TGFBR3L: variants seen among roughly 807,000 people sequenced by gnomAD.
TGFBR3L encodes transforming growth factor-beta receptor type 3-like protein.
A neutral mutation model predicts 20.4 loss-of-function variants in TGFBR3L; 21 were observed. The observed-to-expected ratio is 1.03, with a 90% CI of 0.73 to 1.48. TGFBR3L has a LOEUF of 1.48. Among genes scored for constraint, TGFBR3L ranks in the 40% most tolerant of loss-of-function variants. The probability of loss-of-function intolerance (pLI) is 0.00; values close to 1 mark genes in which losing one functional copy is unlikely to be tolerated. For missense variants in TGFBR3L, 479 were observed against 498.0 expected (o/e 0.96, Z 0.36); for synonymous variants, 245 against 244.2 (o/e 1.00, Z -0.03).
intron 3 of TGFBR3L, 39 bp from the exon 5 acceptor site, chr19:7,917,662 T>C: frequency 7.0e-7 from 1 of 1,428,620 alleles, no homozygotes; most frequent in Non-Finnish European, 9.1e-7. Context: ...GAAGGACGCC[T>C]GGGAGCTGGA....
chr19:7,916,660 C>T lies in TGFBR3L; in HGVS notation c.315C>T (p.Ala105=). Residue 105 remains alanine (A), a synonymous_variant, in exon 2 of 6, where the codon GCC becomes GCT. Transcript: ENST00000565886. ...GTCCCTCCCCGCGCTGGGGCCTGGC[C>T]CTGCACCGCTGCTCAGTGACGCCGT... 1 of 1,430,184 alleles carries T rather than the reference C, an allele frequency of 7.0e-7. No individual in the cohort carries two copies. Among genetic ancestry groups the T allele is most frequent in the Non-Finnish European group, 9.1e-7 (1 of 1,104,922 alleles). The allele number at this position is 1,430,184 out of a possible 1,614,324, so 88.6% of individuals were successfully genotyped here.
Position 7,916,896 on chromosome 19 carries a change from G to A in TGFBR3L, c.551G>A (p.Arg184Gln), listed in dbSNP as rs754595410. Residue 184 changes from arginine (R) to glutamine (Q), a missense_variant, in exon 2 of 6, where the codon CGG becomes CAG. Physicochemically the swap from Arg to Gln is conservative, Grantham distance 43 (BLOSUM62 1). Coordinates refer to ENST00000565886, the MANE Select transcript of TGFBR3L (RefSeq NM_001195259.2). ...TGCCGCCGCCTCCGGGGAGTCCGCC[G>A]GGCGCCTGCGCCTCTGACGCCGCCG... The A allele has an allele frequency of 2.2e-6, 3 of 1,337,386 alleles. No individual in the cohort carries two copies. The highest frequency in any genetic ancestry group is 2.0e-5 in the South Asian group (1 of 48,932). The allele number at this position is 1,337,386 out of a possible 1,614,324, so 82.8% of individuals were successfully genotyped here. A position where few individuals can be genotyped will look rare whatever the true frequency, so the allele number is the denominator to read the frequency against.
rs2145154199 is a variant in TGFBR3L at position 7,916,024 on chromosome 19, T to G, written c.-244T>G. ...TCTCCCCTTAGAAAGGGGAGCCGCC[T>G]GTCCTGCTGCGTCCCCAAGAGCAGC... On this transcript the variant is annotated 5_prime_UTR_variant, in exon 1 of 6. Coordinates refer to ENST00000565886, the MANE Select transcript of TGFBR3L (RefSeq NM_001195259.2). 1 of 637,750 alleles carries G rather than the reference T, an allele frequency of 1.6e-6. No homozygotes were observed. The highest frequency in any genetic ancestry group is 2.6e-6 in the Non-Finnish European group (1 of 391,188). The allele number at this position is 637,750 out of a possible 1,614,324, so 39.5% of individuals were successfully genotyped here. A position where few individuals can be genotyped will look rare whatever the true frequency, so the allele number is the denominator to read the frequency against.
rs372179499 is a variant in TGFBR3L at position 7,915,282 on chromosome 19, A to G, written c.-986A>G. Among the ~76,000 whole-genome samples the G allele has an allele frequency of 2.7e-5, 4 of 149,150 alleles. No individual in the cohort carries two copies. Among genetic ancestry groups the G allele is most frequent in the African/African-American group, 1.0e-4 (4 of 40,076 alleles). On this transcript the variant is annotated 5_prime_UTR_variant, in exon 1 of 6. Transcript: ENST00000565886. ...TGAGCCACCGCGCCCCACCGATGTCACTCTCTTTCAACTAGACCTTTGGTG... is the reference window on the plus strand; with the variant it reads ...TGAGCCACCGCGCCCCACCGATGTCGCTCTCTTTCAACTAGACCTTTGGTG...
At position 7,917,494 on chromosome 19, in the gene TGFBR3L, T is replaced by TGCGCCGACACTGGCAGTGGCA; in HGVS notation, c.627_647dup (p.Asp209_Ala215dup). Reference sequence around the variant, plus strand: ...CCAGTGTCTGCCTCAGGACGAGGCGTGCGCCGACACTGGCAGTGGCAGCGC... The same window carrying TGCGCCGACACTGGCAGTGGCA: ...CCAGTGTCTGCCTCAGGACGAGGCGTGCGCCGACACTGGCAGTGGCAGCGCCGACACTGGCAGTGGCAGCGC... On this transcript the variant is annotated inframe_insertion, in exon 3 of 6. Coordinates refer to ENST00000565886, the MANE Select transcript of TGFBR3L (RefSeq NM_001195259.2). The TGCGCCGACACTGGCAGTGGCA allele has an allele frequency of 6.6e-7, 1 of 1,526,586 alleles. No homozygotes were observed. Among genetic ancestry groups the TGCGCCGACACTGGCAGTGGCA allele is most frequent in the Non-Finnish European group, 8.7e-7 (1 of 1,143,116 alleles). The allele number at this position is 1,526,586 out of a possible 1,614,324, so 94.6% of individuals were successfully genotyped here. A position where few individuals can be genotyped will look rare whatever the true frequency, so the allele number is the denominator to read the frequency against.
At position 7,914,861 on chromosome 19, in the gene TGFBR3L, T is replaced by C. The variant is rs1983203017; in HGVS notation, c.-1407T>C. 6.6e-6 allele frequency among the ~76,000 whole-genome samples: 1 copy of C among 152,210 alleles called. No individual in the cohort carries two copies. Among genetic ancestry groups the C allele is most frequent in the African/African-American group, 2.4e-5 (1 of 41,444 alleles). On this transcript the variant is annotated 5_prime_UTR_variant, in exon 1 of 6. Coordinates refer to ENST00000565886, the MANE Select transcript of TGFBR3L (RefSeq NM_001195259.2). ...TCCGACCTCAGCTGGTCCAGCATGCTGGGCACCGTGCTGCTGCTGGCCCTG... is the reference window on the plus strand; with the variant it reads ...TCCGACCTCAGCTGGTCCAGCATGCCGGGCACCGTGCTGCTGCTGGCCCTG...
At position 7,916,411 on chromosome 19, in the gene TGFBR3L, C is replaced by G. The variant is rs1471233348; in HGVS notation, c.144C>G (p.Pro48=). The change falls in exon 1 of 6, where the codon CCC becomes CCG. Residue 48 remains proline, a synonymous_variant. Coordinates refer to ENST00000565886, the MANE Select transcript of TGFBR3L (RefSeq NM_001195259.2). Reference sequence around the variant, plus strand: ...CGCCCTTCCCCGCCCCGCCAGCTCCCCCGTTCCCCGCGGCGCCCGGCCCCT... The same window carrying G: ...CGCCCTTCCCCGCCCCGCCAGCTCCGCCGTTCCCCGCGGCGCCCGGCCCCT... 5.9e-6 allele frequency: 9 copies of G among 1,534,736 alleles called. No individual in the cohort carries two copies. Among genetic ancestry groups the G allele is most frequent in the Non-Finnish European group, 7.9e-6 (9 of 1,146,384 alleles).
In TGFBR3L at chr19:7,916,180, C is replaced by G. The variant is rs575555765; in HGVS notation, c.-88C>G. On this transcript the variant is annotated 5_prime_UTR_variant, in exon 1 of 6. Coordinates refer to ENST00000565886, the MANE Select transcript of TGFBR3L (RefSeq NM_001195259.2). ...GCTTCTCTAGGGGCGCATGGCTCTG[C>G]AACCGGCTCAGTTGCTGGGCTGTGC... 3 of 1,468,882 alleles carry G rather than the reference C, an allele frequency of 2.0e-6. No individual in the cohort carries two copies. The East Asian group carries it at 7.5e-5, about 37-fold the overall frequency. 91.0% of individuals were successfully genotyped at this position (1,468,882 alleles called of 1,614,324 possible). A position where few individuals can be genotyped will look rare whatever the true frequency, so the allele number is the denominator to read the frequency against.
At position 7,916,874 on chromosome 19, in the gene TGFBR3L, C is replaced by T. The variant is rs1475680628; in HGVS notation, c.529C>T (p.Arg177Cys). The T allele has an allele frequency of 1.4e-6, 2 of 1,383,890 alleles. No homozygotes were observed. The highest frequency in any genetic ancestry group is 1.9e-6 in the Non-Finnish European group (2 of 1,068,854). The allele number at this position is 1,383,890 out of a possible 1,614,324, so 85.7% of individuals were successfully genotyped here. Residue 177 changes from arginine (R) to cysteine (C), a missense_variant, in exon 2 of 6, where the codon CGC (arginine) becomes TGC (cysteine). By Grantham distance (180) the Arg-to-Cys change is radical. Transcript: ENST00000565886. ...CCTGCACTGCCAGCTGAGCCGCTGC[C>T]GCCGCCTCCGGGGAGTCCGCCGGGC...
chr19:7,917,016 GAA>G (rs1983342992), intron 2 of TGFBR3L, 74 bp downstream of exon 3: 5 of 1,236,672 alleles, frequency 4.0e-6, no homozygotes, highest in Admixed American at 4.3e-5. Flanking sequence ...TCTGGCAGTG[GAA>G]AGAGGATACT....
At position 7,914,915 on chromosome 19, in the gene TGFBR3L, G is replaced by C. The variant is rs1342544590; in HGVS notation, c.-1353G>C. ...CCAGGGATCACCACCTTACCCAGCG[G>C]GCCACCTGGTATGTATGGGCAGGGA... is the stretch of plus-strand genomic sequence containing the variant. On this transcript the variant is annotated 5_prime_UTR_variant, in exon 1 of 6. Transcript: ENST00000565886. Among the ~76,000 whole-genome samples the C allele has an allele frequency of 2.0e-5, 3 of 152,196 alleles. No individual in the cohort carries two copies. Among genetic ancestry groups the C allele is most frequent in the Non-Finnish European group, 2.9e-5 (2 of 68,028 alleles).
At position 7,917,479 on chromosome 19, in the gene TGFBR3L, C is replaced by G. The variant is rs1227107151; in HGVS notation, c.604C>G (p.Pro202Ala). The G allele has an allele frequency of 6.6e-7, 1 of 1,526,608 alleles. No individual in the cohort carries two copies. The highest frequency in any genetic ancestry group is 1.2e-5 in the South Asian group (1 of 83,290). 94.6% of individuals were successfully genotyped at this position (1,526,608 alleles called of 1,614,324 possible). The change falls in exon 3 of 6, where the codon CCT (proline) becomes GCT (alanine). Residue 202 changes from proline to alanine, a missense_variant. Coordinates refer to ENST00000565886, the MANE Select transcript of TGFBR3L (RefSeq NM_001195259.2). The stretch of plus-strand genomic sequence containing the variant: ...CCACCTTCCTCTCCCCCAGTGTCTG[C>G]CTCAGGACGAGGCGTGCGCCGACAC...
At position 7,917,723 on chromosome 19, in the gene TGFBR3L, C is replaced by A; in HGVS notation, c.747C>A (p.Gly249=). 1 of 1,424,444 alleles carries A rather than the reference C, an allele frequency of 7.0e-7. No homozygotes were observed. The allele number at this position is 1,424,444 out of a possible 1,614,324, so 88.2% of individuals were successfully genotyped here. ...CAGGGCCGCCCAAGAGTGTCCCCGG[C>A]CGTGCAGTGCGCCCTGAGCCTCCCG... The change falls in exon 4 of 6, where the codon GGC becomes GGA. Residue 249 remains glycine, a synonymous_variant. Transcript: ENST00000565886.
chr19:7,916,646 C>A lies in TGFBR3L; in HGVS notation c.301C>A (p.Arg101Ser). Reference sequence around the variant, plus strand: ...GGCGGCCTTGGCCCGTCCCTCCCCGCGCTGGGGCCTGGCCCTGCACCGCTG... The same window carrying A: ...GGCGGCCTTGGCCCGTCCCTCCCCGAGCTGGGGCCTGGCCCTGCACCGCTG... Residue 101 changes from arginine (R) to serine (S), a missense_variant, in exon 2 of 6, where the codon CGC becomes AGC. Transcript: ENST00000565886. 7.0e-7 allele frequency: 1 copy of A among 1,422,290 alleles called. No individual in the cohort carries two copies. Among genetic ancestry groups the A allele is most frequent in the Non-Finnish European group, 9.1e-7 (1 of 1,099,654 alleles). 88.1% of individuals were successfully genotyped at this position (1,422,290 alleles called of 1,614,324 possible).
In TGFBR3L at chr19:7,915,066, C is replaced by G. The variant is rs1983214417; in HGVS notation, c.-1202C>G. Among the ~76,000 whole-genome samples, 1 of 152,182 alleles carries G rather than the reference C, an allele frequency of 6.6e-6. No individual in the cohort carries two copies. The highest frequency in any genetic ancestry group is 2.4e-5 in the African/African-American group (1 of 41,442). ...CTCCACTCACCGCAACCTCCGCCTC[C>G]CCGGTTCAAGTGATTCTCCTGCCTC... is the stretch of plus-strand genomic sequence containing the variant. On this transcript the variant is annotated 5_prime_UTR_variant, in exon 1 of 6. Coordinates refer to ENST00000565886, the MANE Select transcript of TGFBR3L (RefSeq NM_001195259.2).
In TGFBR3L at chr19:7,916,420, C is replaced by T; in HGVS notation, c.153C>T (p.Pro51=). 1.3e-6 allele frequency: 2 copies of T among 1,534,868 alleles called. No homozygotes were observed. Among genetic ancestry groups the T allele is most frequent in the Non-Finnish European group, 1.7e-6 (2 of 1,146,378 alleles). ...CCGCCCCGCCAGCTCCCCCGTTCCC[C>T]GCGGCGCCCGGCCCCTGGCTGCGCA... Residue 51 remains proline, a synonymous_variant, in exon 1 of 6, where the codon CCC becomes CCT. Coordinates refer to ENST00000565886, the MANE Select transcript of TGFBR3L (RefSeq NM_001195259.2).
chr19:7,918,894 T>G lies in TGFBR3L; in HGVS notation c.*6-23T>G, dbSNP rs924765880. 8 of 398,456 alleles carry G rather than the reference T, an allele frequency of 2.0e-5. No individual in the cohort carries two copies. The Admixed American group carries it at 3.1e-4, about 15-fold the overall frequency. 24.7% of individuals were successfully genotyped at this position (398,456 alleles called of 1,614,324 possible). On this transcript the variant is annotated intron_variant, in intron 5 of 5. Coordinates refer to ENST00000565886, the MANE Select transcript of TGFBR3L (RefSeq NM_001195259.2). ...GCCCGCGTAGCGTCCCCTCCCTCGC[T>G]GAGCCTCAGCCACCCCTCCCAGGGA...
Position 7,916,631 on chromosome 19 carries a change from G to T in TGFBR3L, c.286G>T (p.Ala96Ser). 1 of 1,423,812 alleles carries T rather than the reference G, an allele frequency of 7.0e-7. No individual in the cohort carries two copies. Among genetic ancestry groups the T allele is most frequent in the Non-Finnish European group, 9.1e-7 (1 of 1,100,136 alleles). The allele number at this position is 1,423,812 out of a possible 1,614,324, so 88.2% of individuals were successfully genotyped here. A position where few individuals can be genotyped will look rare whatever the true frequency, so the allele number is the denominator to read the frequency against. ...CGCCTCCGTCCCCCAGGCGGCCTTG[G>T]CCCGTCCCTCCCCGCGCTGGGGCCT... Residue 96 changes from alanine to serine, a missense_variant, in exon 2 of 6, where the codon GCC (alanine) becomes TCC (serine). Ala to Ser is a moderately conservative substitution (Grantham distance 99). Transcript: ENST00000565886.
chr19:7,915,222 G>A lies in TGFBR3L; in HGVS notation c.-1046G>A, dbSNP rs1212690039. The stretch of plus-strand genomic sequence containing the variant: ...ACTCCTGACCTCAGGCGATCCGCCC[G>A]CCTCGAACTTTTCAAAGTGCTGGGA... On this transcript the variant is annotated 5_prime_UTR_variant, in exon 1 of 6. Transcript: ENST00000565886. 6.6e-6 allele frequency among the ~76,000 whole-genome samples: 1 copy of A among 152,018 alleles called. No individual in the cohort carries two copies. The highest frequency in any genetic ancestry group is 6.6e-5 in the Admixed American group (1 of 15,262).
Sources: gnomAD v4.1 joint callset for allele counts (sites outside exome capture counted in the v4.1 genomes callset) on GRCh38, gnomAD v4.1.1 for gene constraint, MANE v1.5 for transcripts, NCBI Gene and HGNC (gene_info 2026-07-23, HGNC 2026-07-21) for gene names.